Variants in CSMD1 observed in about 807,000 individuals in gnomAD.
CSMD1 encodes the protein CUB and sushi domain-containing protein 1.
Under a neutral mutation model 417.5 loss-of-function variants are expected in CSMD1, and 213 were observed. That is an observed-to-expected ratio of 0.51 (90% confidence interval 0.46 to 0.57). The LOEUF (loss-of-function observed/expected upper bound fraction) is 0.57. Among genes scored for constraint, CSMD1 ranks in the 20% least tolerant of loss-of-function variants. The pLI, the probability that CSMD1 is intolerant of heterozygous loss-of-function variation, is 0.00. For missense variants in CSMD1, 6,923 were observed against 4,529.7 expected, an observed-to-expected ratio of 1.53 and a Z score of -15.17; for synonymous variants, 2,862 against 1,736.8, an observed-to-expected ratio of 1.65 and a Z score of -16.11.
At chr8:3,512,889 C>T (rs1278154139) in intron 10 of CSMD1, among the ~76,000 whole-genome samples, 1 of 152,096 alleles carries the variant, frequency 6.6e-6, no homozygotes. Flanking sequence ...AGCCACTGCA[C>T]TTGGTCTTTT....
At position 4,415,941 on chromosome 8, in the gene CSMD1, C is replaced by T. The variant is rs537678595; in HGVS notation, c.415+4012G>A. ...CATGTGGATAATTTCTGCTTTCATT[C>T]CCTAGCAGCCATGGGATCTCGGGAA... On this transcript the variant is annotated intron_variant, in intron 3 of 69. Transcript: ENST00000635120. 4.8e-4 allele frequency among the ~76,000 whole-genome samples: 73 copies of T among 152,232 alleles called. 1 individual carries two copies. Among genetic ancestry groups the T allele is most frequent in the African/African-American group, 1.7e-3 (69 of 41,536 alleles).
intron 5 of CSMD1, among the ~76,000 whole-genome samples, chr8:3,895,966 C>T (rs192683515): frequency 1.8e-4 from 28 of 152,258 alleles, no homozygotes; most frequent in South Asian, 4.2e-4. Flanking sequence ...AAAAGATAGT[C>T]CTGTTAACCT....
At chr8:3,280,749 T>G (rs1023222546) in intron 26 of CSMD1, among the ~76,000 whole-genome samples, 1 of 150,542 alleles carries the variant, frequency 6.6e-6, no homozygotes, top group Non-Finnish European at 1.5e-5. Context: ...CTGTAGAAAC[T>G]TTCATGGTGT....
intron 4 of CSMD1, among the ~76,000 whole-genome samples, chr8:4,030,900 C>T (rs11995654): frequency 0.29 from 44,049 of 152,032 alleles, 6,485 homozygotes; most frequent in South Asian, 0.39. Flanking sequence ...GTTCAAAGTT[C>T]CACAACTCTC....
At chr8:3,543,696 T>C (rs1202493831) in intron 10 of CSMD1, among the ~76,000 whole-genome samples, 1 of 152,150 alleles carries the variant, frequency 6.6e-6, no homozygotes, top group Non-Finnish European at 1.5e-5. Flanking sequence ...GAACAGGTTT[T>C]GTAGAGGAGA....
chr8:3,128,371 A>T (rs1817619567), intron 41 of CSMD1: 1 of 153,226 alleles, frequency 6.5e-6, no homozygotes, highest in Admixed American at 6.5e-5. Context: ...TTAATAAGTC[A>T]TTTAACTTCA....
intron 7 of CSMD1, among the ~76,000 whole-genome samples, chr8:3,664,837 T>A (rs972731380): frequency 6.6e-6 from 1 of 152,188 alleles, no homozygotes; most frequent in Non-Finnish European, 1.5e-5. Flanking sequence ...GCTAAAAGTT[T>A]AGCAGTAAAG....
chr8:4,257,918 C>G (rs1246971688), intron 3 of CSMD1, among the ~76,000 whole-genome samples: 1 of 152,196 alleles, frequency 6.6e-6, no homozygotes, highest in Admixed American at 6.5e-5. Flanking sequence ...ACAACCACCA[C>G]TTTAAAAATA....
chr8:4,810,807 A>T (rs1013467441), intron 1 of CSMD1, among the ~76,000 whole-genome samples: 2 of 152,222 alleles, frequency 1.3e-5, no homozygotes, highest in Non-Finnish European at 2.9e-5. Context: ...AATAAATCAT[A>T]TAAAGAACGA....
chr8:4,637,795 C>G (rs913901804), intron 1 of CSMD1, among the ~76,000 whole-genome samples: 1 of 151,658 alleles, frequency 6.6e-6, no homozygotes, highest in Non-Finnish European at 1.5e-5. Flanking sequence ...CTCAGCCTCC[C>G]GAGTAGGTGG....
chr8:4,371,770 G>C (rs115215447), intron 3 of CSMD1, among the ~76,000 whole-genome samples: 1,613 of 152,236 alleles, frequency 0.011, 29 homozygotes, highest in African/African-American at 0.036. Context: ...TTACATAATA[G>C]ACAAATATTG....
At chr8:3,808,896 TA>T (rs1294585205) in intron 5 of CSMD1, among the ~76,000 whole-genome samples, 1 of 152,212 alleles carries the variant, frequency 6.6e-6, no homozygotes, top group Non-Finnish European at 1.5e-5. Flanking sequence ...TCAGGGATTT[TA>T]AACTTCTAGT....
At chr8:4,968,195 T>C (rs1247867950) in intron 1 of CSMD1, among the ~76,000 whole-genome samples, 1 of 152,178 alleles carries the variant, frequency 6.6e-6, no homozygotes, top group East Asian at 1.9e-4. Flanking sequence ...GATAATTAGA[T>C]TTTTGGTATT....
intron 2 of CSMD1, among the ~76,000 whole-genome samples, chr8:4,539,523 T>C (rs1444935046): frequency 6.6e-6 from 1 of 152,206 alleles, no homozygotes; most frequent in Admixed American, 6.5e-5. Context: ...TCATTAGCCT[T>C]ACAGAATGAG....
At chr8:3,574,912 C>G (rs1347579991) in intron 10 of CSMD1, 33 bp downstream of exon 10, 29 of 1,607,970 alleles carry the variant, frequency 1.8e-5, no homozygotes, top group Non-Finnish European at 2.5e-5. Context: ...GTGCTGTGTG[C>G]ATTAACCACA....
chr8:4,220,235 G>GCCA (rs2128807882), intron 3 of CSMD1, among the ~76,000 whole-genome samples: 1 of 152,318 alleles, frequency 6.6e-6, no homozygotes, highest in Non-Finnish European at 1.5e-5. Flanking sequence ...AGAGGCGTGA[G>GCCA]CCACCATGCC....
chr8:4,416,636 T>A (rs1438802164), intron 3 of CSMD1, among the ~76,000 whole-genome samples: 1 of 152,026 alleles, frequency 6.6e-6, no homozygotes, highest in South Asian at 2.1e-4. Flanking sequence ...GAGAAAAATA[T>A]ATAAAGTACA....
At chr8:3,264,790 C>T (rs1002078597) in intron 26 of CSMD1, among the ~76,000 whole-genome samples, 4 of 152,118 alleles carry the variant, frequency 2.6e-5, no homozygotes, top group African/African-American at 9.6e-5. Context: ...TAAACCCAGG[C>T]CAGAAACAGT....
In CSMD1 at chr8:3,796,529, A is replaced by AG. The variant is rs2129070511; in HGVS notation, c.819-42488_819-42487insC. On this transcript the variant is annotated intron_variant, in intron 5 of 69. Transcript: ENST00000635120. ...TATATATATCTATATATCTATATCT[A>AG]AGATATATATCTATATCCATACATG... 2.1e-5 allele frequency among the ~76,000 whole-genome samples: 3 copies of AG among 144,462 alleles called. No homozygotes were observed. In the South Asian group the frequency reaches 6.5e-4, roughly 31 times the overall value. The allele number at this position is 144,462 out of a possible 152,430, so 94.8% of individuals were successfully genotyped here.
Sources: gnomAD v4.1 joint callset for allele counts (sites outside exome capture counted in the v4.1 genomes callset) on GRCh38, gnomAD v4.1.1 for gene constraint, MANE v1.5 for transcripts, NCBI Gene and HGNC (gene_info 2026-07-23, HGNC 2026-07-21) for gene names.